Variants in OSBPL5 observed in about 807,000 individuals in gnomAD.
The protein encoded by OSBPL5 is oxysterol-binding protein-related protein 5.
Under a neutral mutation model 111.2 loss-of-function variants are expected in OSBPL5, and 71 were observed. That is an observed-to-expected ratio of 0.64 (90% confidence interval 0.53 to 0.78). OSBPL5 has a LOEUF of 0.78. OSBPL5 is among the 30% of genes least tolerant of loss of function. OSBPL5 has a pLI of 0.00. For missense variants in OSBPL5, 1,210 were observed against 1,189.3 expected, an observed-to-expected ratio of 1.02 and a Z score of -0.26; for synonymous variants, 549 against 513.9, an observed-to-expected ratio of 1.07 and a Z score of -0.93.
intron 1 of OSBPL5, among the ~76,000 whole-genome samples, chr11:3,147,518 C>G (rs1164607632): frequency 5.3e-5 from 8 of 152,250 alleles, no homozygotes; most frequent in Non-Finnish European, 7.3e-5. Context: ...GCAGGCCCAG[C>G]TGGGACGGAG....
chr11:3,135,297 G>A (rs961016208), intron 1 of OSBPL5, among the ~76,000 whole-genome samples: 2 of 152,230 alleles, frequency 1.3e-5, no homozygotes, highest in African/African-American at 4.8e-5. Context: ...CCAGTTGGGC[G>A]GGGCACACAC....
At chr11:3,112,469 TTTTC>T (rs1266467413) in intron 7 of OSBPL5, among the ~76,000 whole-genome samples, 24 of 57,968 alleles carry the variant, frequency 4.1e-4, no homozygotes, top group Admixed American at 9.2e-4. Flanking sequence ...CTGTTTTGTG[TTTTC>T]TTTTCTTTTT....
intron 1 of OSBPL5, among the ~76,000 whole-genome samples, chr11:3,139,583 T>TG (rs1355690927): frequency 6.6e-6 from 1 of 152,122 alleles, no homozygotes; most frequent in East Asian, 1.9e-4. Context: ...CGCAGGAGTT[T>TG]GGGGGCAGGA....
intron 1 of OSBPL5, among the ~76,000 whole-genome samples, chr11:3,150,051 GAC>G (rs1846524984): frequency 6.6e-6 from 1 of 152,080 alleles, no homozygotes. Context: ...CACACACACA[GAC>G]ACACACGTAC....
Position 3,107,880 on chromosome 11 carries a change from A to G in OSBPL5, c.757T>C (p.Cys253Arg). ...RCSSLLRLGTCKPGRDGEPGT... is the reference protein window; with the variant it reads ...RCSSLLRLGTRKPGRDGEPGT... ...GGCTCCCCGTCTCGGCCCGGCTTGCAGGTGCCCAGTCTCAGTAGGCTAGAG... is the reference window on the plus strand; with the variant it reads ...GGCTCCCCGTCTCGGCCCGGCTTGCGGGTGCCCAGTCTCAGTAGGCTAGAG... The change falls in exon 8 of 22, where the codon TGC becomes CGC. Residue 253 changes from cysteine to arginine, a missense_variant. Physicochemically the swap from Cys to Arg is radical, Grantham distance 180. Transcript: ENST00000263650. The surrounding 1 kb of genome is among the most constrained non-coding windows in gnomAD (Gnocchi z 6.1). 6.2e-7 allele frequency: 1 copy of G among 1,606,992 alleles called. No homozygotes were observed. The highest frequency in any genetic ancestry group is 1.1e-5 in the South Asian group (1 of 91,064).
chr11:3,089,512 C>T (rs969677007), intron 21 of OSBPL5, among the ~76,000 whole-genome samples: 1 of 152,224 alleles, frequency 6.6e-6, no homozygotes, highest in East Asian at 1.9e-4. Context: ...CAGGCTGCCA[C>T]CTCGCTCTGC....
chr11:3,132,950 G>A (rs1240490239), intron 1 of OSBPL5, among the ~76,000 whole-genome samples: 1 of 152,214 alleles, frequency 6.6e-6, no homozygotes, highest in African/African-American at 2.4e-5. Flanking sequence ...GCTCCAGGGT[G>A]GAGACCCTCG....
chr11:3,099,162 C>T (rs1311628622), intron 14 of OSBPL5, among the ~76,000 whole-genome samples: 2 of 152,184 alleles, frequency 1.3e-5, no homozygotes, highest in African/African-American at 2.4e-5. Flanking sequence ...ACGCTCCACA[C>T]CGTATGATTC....
In OSBPL5 at chr11:3,110,710, G is replaced by A. The variant is rs1857895154; in HGVS notation, c.692-2765C>T. Among the ~76,000 whole-genome samples, 1 of 152,060 alleles carries A rather than the reference G, an allele frequency of 6.6e-6. No homozygotes were observed. Among genetic ancestry groups the A allele is most frequent in the Admixed American group, 6.5e-5 (1 of 15,274 alleles). On this transcript the variant is annotated intron_variant, in intron 7 of 21. Coordinates refer to ENST00000263650, the MANE Select transcript of OSBPL5 (RefSeq NM_020896.4). This position sits in a 1 kb window ranked among gnomAD's most constrained non-coding sequence, Gnocchi z 5.3. Reference sequence around the variant, plus strand: ...AAATGCATATCTCATTGTCTCCTTTGGAGAAGCTCATCAGAAACTCAAAAA... The same window carrying A: ...AAATGCATATCTCATTGTCTCCTTTAGAGAAGCTCATCAGAAACTCAAAAA...
Position 3,146,954 on chromosome 11 carries a change from C to T in OSBPL5, c.-21-17785G>A, listed in dbSNP as rs538560995. On this transcript the variant is annotated intron_variant, in intron 1 of 21. Coordinates refer to ENST00000263650, the MANE Select transcript of OSBPL5 (RefSeq NM_020896.4). The surrounding 1 kb of genome is among the most constrained non-coding windows in gnomAD (Gnocchi z 7.8). The stretch of plus-strand genomic sequence containing the variant: ...TTTAGAGGTGGCTCAGCTGAGGGCA[C>T]GGGGGCCTTGGCAGCTGTCACGACC... Among the ~76,000 whole-genome samples, 4 of 152,258 alleles carry T rather than the reference C, an allele frequency of 2.6e-5. No homozygotes were observed. The highest frequency in any genetic ancestry group is 4.1e-4 in the South Asian group (2 of 4,822).
chr11:3,152,914 G>A (rs967753992), intron 1 of OSBPL5, among the ~76,000 whole-genome samples: 19 of 152,132 alleles, frequency 1.2e-4, no homozygotes, highest in African/African-American at 3.6e-4. Flanking sequence ...CTCCTGCCGC[G>A]TCCGTCCGCT....
In OSBPL5 at chr11:3,120,547, G is replaced by C. The variant is rs148575738; in HGVS notation, c.480C>G (p.Pro160=). ...CCGTGCCCACCCACTGGCCCACCTTGGGCGTCTTGTAGATGAGCAGCACCC... is the reference window on the plus strand; with the variant it reads ...CCGTGCCCACCCACTGGCCCACCTTCGGCGTCTTGTAGATGAGCAGCACCC... ...KPGVLLIYKT[P]KVGQWVGTVL... The change falls in exon 6 of 22, where the codon CCC becomes CCG. Residue 160 remains proline (P), a synonymous_variant. Transcript: ENST00000263650. The C allele has an allele frequency of 1.9e-6, 3 of 1,613,208 alleles. No individual in the cohort carries two copies. The highest frequency in any genetic ancestry group is 2.5e-6 in the Non-Finnish European group (3 of 1,180,034).
chr11:3,090,040 A>C, intron 20 of OSBPL5, 92 bp from the exon 21 acceptor site: 1 of 1,003,842 alleles, frequency 1.0e-6, no homozygotes, highest in Non-Finnish European at 1.4e-6. Context: ...TCACAGGGTC[A>C]TATCCAGCTC....
In OSBPL5 at chr11:3,154,365, G is replaced by A. The variant is rs986324523; in HGVS notation, c.-22+10851C>T. 2.0e-5 allele frequency among the ~76,000 whole-genome samples: 3 copies of A among 152,244 alleles called. No homozygotes were observed. The highest frequency in any genetic ancestry group is 4.4e-5 in the Non-Finnish European group (3 of 68,044). ...GCCTCCCCGCCCACTTTGCCGGTGG[G>A]ACAGAGTGGCTGACGGCGTGTGGCA... On this transcript the variant is annotated intron_variant, in intron 1 of 21. Coordinates refer to ENST00000263650, the MANE Select transcript of OSBPL5 (RefSeq NM_020896.4). The surrounding 1 kb of genome is among the most constrained non-coding windows in gnomAD (Gnocchi z 4.9).
At chr11:3,099,221 A>G (rs1857376528) in intron 14 of OSBPL5, among the ~76,000 whole-genome samples, 1 of 152,242 alleles carries the variant, frequency 6.6e-6, no homozygotes, top group Non-Finnish European at 1.5e-5. Context: ...GGACTGAGGA[A>G]TATGTGGCTC....
chr11:3,094,657 G>A (rs997254276), intron 14 of OSBPL5: 6 of 287,008 alleles, frequency 2.1e-5, no homozygotes, highest in Non-Finnish European at 3.4e-5. Context: ...GCTCATGTCA[G>A]GTGTCGCCTC....
chr11:3,115,073 A>G (rs1226841831), intron 7 of OSBPL5, among the ~76,000 whole-genome samples: 2 of 152,084 alleles, frequency 1.3e-5, no homozygotes, highest in Non-Finnish European at 2.9e-5. Flanking sequence ...AGCTCATATA[A>G]GTTTTGTTTT....
At chr11:3,127,081 C>T (rs895555) in intron 2 of OSBPL5, among the ~76,000 whole-genome samples, 59,199 of 152,014 alleles carry the variant, frequency 0.39, 12,380 homozygotes, top group Non-Finnish European at 0.45. Context: ...GAGGTGTCTG[C>T]GTTTGCTCCT....
rs760058593 is a variant in OSBPL5, at chr11:3,162,760, C to A, written c.-22+2456G>T. On this transcript the variant is annotated intron_variant, in intron 1 of 21. Transcript: ENST00000263650. This position sits in a 1 kb window ranked among gnomAD's most constrained non-coding sequence, Gnocchi z 8.1. Reference sequence around the variant, plus strand: ...GTCAGTTGCCTCCTCAAGCTGCAGGCTCGGTAAGTCATCAAGCAAAGCTGG... The same window carrying A: ...GTCAGTTGCCTCCTCAAGCTGCAGGATCGGTAAGTCATCAAGCAAAGCTGG... Among the ~76,000 whole-genome samples the A allele has an allele frequency of 1.3e-5, 2 of 151,974 alleles. No individual in the cohort carries two copies. The highest frequency in any genetic ancestry group is 2.9e-5 in the Non-Finnish European group (2 of 68,000).
Sources: allele counts gnomAD v4.1 joint callset (sites outside exome capture counted in the v4.1 genomes callset), GRCh38; gene constraint gnomAD v4.1.1; non-coding constraint Gnocchi (gnomAD v3.1); transcripts MANE v1.5; gene names NCBI Gene and HGNC (gene_info 2026-07-23, HGNC 2026-07-21).